MRPS28: variants seen among roughly 807,000 people sequenced by gnomAD.
MRPS28 encodes the protein small ribosomal subunit protein bS1m.
MRPS28 carries 7 observed loss-of-function variants against 10.8 expected under a neutral mutation model. That is an observed-to-expected ratio of 0.65 (90% confidence interval 0.37 to 1.22). The LOEUF is 1.22. Among genes scored for constraint, MRPS28 ranks in the 50% most tolerant of loss-of-function variants. The pLI is 0.02. For missense variants in MRPS28, 265 were observed against 232.9 expected, an observed-to-expected ratio of 1.14 and a Z score of -0.90; for synonymous variants, 121 against 93.3, an observed-to-expected ratio of 1.30 and a Z score of -1.71.
At chr8:79,984,357 C>T (rs1339381484) in intron 2 of MRPS28, among the ~76,000 whole-genome samples, 3 of 152,220 alleles carry the variant, frequency 2.0e-5, no homozygotes, top group African/African-American at 7.2e-5. Flanking sequence ...TAGGAAGAAA[C>T]TGCATCAACT....
chr8:80,011,123 T>A (rs1809031144), intron 1 of MRPS28, among the ~76,000 whole-genome samples: 1 of 147,678 alleles, frequency 6.8e-6, no homozygotes, highest in African/African-American at 2.6e-5. Flanking sequence ...ATTCTTTTTT[T>A]TTTATTTTTT....
At chr8:80,018,576 A>G (rs1809269030) in intron 1 of MRPS28, among the ~76,000 whole-genome samples, 1 of 152,202 alleles carries the variant, frequency 6.6e-6, no homozygotes, top group African/African-American at 2.4e-5. Flanking sequence ...AACAGTTTGA[A>G]GTTCCACAAA....
intron 2 of MRPS28, chr8:79,958,346 C>T (rs749099597): frequency 4.5e-5 from 31 of 695,438 alleles, no homozygotes; most frequent in South Asian, 2.4e-4. Context: ...TTATCTTTTA[C>T]GATGTTTTCC....
At chr8:79,987,387 C>T (rs1808218640) in intron 2 of MRPS28, among the ~76,000 whole-genome samples, 1 of 152,184 alleles carries the variant, frequency 6.6e-6, no homozygotes, top group Non-Finnish European at 1.5e-5. Flanking sequence ...ATGTCTAAAA[C>T]ACCAAAAGCA....
chr8:79,936,827 AT>A (rs900759888), intron 2 of MRPS28, among the ~76,000 whole-genome samples: 4 of 152,062 alleles, frequency 2.6e-5, no homozygotes, highest in African/African-American at 9.7e-5. Flanking sequence ...ATATTTCTCT[AT>A]TTTTTAATAA....
intron 2 of MRPS28, among the ~76,000 whole-genome samples, chr8:79,995,729 G>A (rs1241021209): frequency 1.3e-5 from 2 of 152,182 alleles, no homozygotes; most frequent in Non-Finnish European, 2.9e-5. Flanking sequence ...TTTAGGAGCT[G>A]TCAGAATACA....
intron 2 of MRPS28, among the ~76,000 whole-genome samples, chr8:79,983,162 AG>A (rs1808025283): frequency 1.3e-5 from 2 of 152,028 alleles, no homozygotes; most frequent in Admixed American, 6.6e-5. Context: ...CCAGGCAAAC[AG>A]GGTCTGGAGT....
chr8:79,929,077 C>CA (rs1806387074), intron 2 of MRPS28, among the ~76,000 whole-genome samples: 1 of 151,774 alleles, frequency 6.6e-6, no homozygotes, highest in Non-Finnish European at 1.5e-5. Context: ...CAAAACAAAA[C>CA]AAAAAAACAC....
intron 2 of MRPS28, among the ~76,000 whole-genome samples, chr8:79,955,550 C>A (rs1292715138): frequency 6.6e-6 from 1 of 152,134 alleles, no homozygotes; most frequent in African/African-American, 2.4e-5. Context: ...TTCCTCAATA[C>A]CCTTTAGGCC....
intron 2 of MRPS28, among the ~76,000 whole-genome samples, chr8:79,950,728 C>A (rs988646875): frequency 3.9e-5 from 6 of 152,204 alleles, no homozygotes; most frequent in African/African-American, 1.4e-4. Context: ...TTACATCACA[C>A]CAGCTGACCT....
intron 2 of MRPS28, among the ~76,000 whole-genome samples, chr8:79,936,081 T>C (rs753181006): frequency 2.6e-5 from 4 of 151,888 alleles, no homozygotes; most frequent in Non-Finnish European, 4.4e-5. Context: ...GTGTGGTGGC[T>C]CATGCCTATA....
intron 2 of MRPS28, among the ~76,000 whole-genome samples, chr8:79,997,797 G>C (rs1808541677): frequency 6.6e-6 from 1 of 152,136 alleles, no homozygotes; most frequent in Non-Finnish European, 1.5e-5. Context: ...GGCTTAGCCT[G>C]TAATCCCAGC....
chr8:80,004,200 C>T (rs1056481950), intron 1 of MRPS28, among the ~76,000 whole-genome samples: 8 of 152,182 alleles, frequency 5.3e-5, no homozygotes, highest in Non-Finnish European at 7.3e-5. Flanking sequence ...CAAGTGGGTC[C>T]CTGACCCCTG....
At chr8:79,994,404 A>C (rs1808445405) in intron 2 of MRPS28, among the ~76,000 whole-genome samples, 1 of 152,104 alleles carries the variant, frequency 6.6e-6, no homozygotes, top group South Asian at 2.1e-4. Context: ...AAAGCAGGCA[A>C]TAATATCAAT....
chr8:79,963,873 C>A (rs917100943), intron 2 of MRPS28, among the ~76,000 whole-genome samples: 1 of 151,994 alleles, frequency 6.6e-6, no homozygotes, highest in Non-Finnish European at 1.5e-5. Context: ...CATGACAGGT[C>A]AAGTGAGAAC....
At chr8:79,964,555 T>C (rs1334290497) in intron 2 of MRPS28, among the ~76,000 whole-genome samples, 1 of 152,108 alleles carries the variant, frequency 6.6e-6, no homozygotes, top group Non-Finnish European at 1.5e-5. Context: ...TTAGACTATG[T>C]TCAAATTCTG....
chr8:80,007,899 C>T lies in MRPS28; in HGVS notation c.214-4719G>A, dbSNP rs201009969. On this transcript the variant is annotated intron_variant, in intron 1 of 2. Transcript: ENST00000276585. ...TCCCCATCAAGCTACCAATGACTTT[C>T]TTCACAGAATTGGAAAAAACTACTT... Among the ~76,000 whole-genome samples, 956 of 152,194 alleles carry T rather than the reference C, an allele frequency of 6.3e-3. 15 individuals carry two copies. The highest frequency in any genetic ancestry group is 0.056 in the East Asian group (292 of 5,184).
At chr8:79,923,883 AT>A (rs1305265762) in intron 2 of MRPS28, among the ~76,000 whole-genome samples, 8 of 152,174 alleles carry the variant, frequency 5.3e-5, no homozygotes, top group African/African-American at 1.7e-4. Flanking sequence ...CTGGTTTTGC[AT>A]TTCTGTATTA....
chr8:79,993,337 A>G lies in MRPS28; in HGVS notation c.395+9662T>C, dbSNP rs527290754. ...TATGAGGCAAACTTCCTAGAGATGT[A>G]AATTTAGACAATCTCTGGAATGATA... On this transcript the variant is annotated intron_variant, in intron 2 of 2. Transcript: ENST00000276585. 2.6e-5 allele frequency among the ~76,000 whole-genome samples: 4 copies of G among 152,338 alleles called. No homozygotes were observed. In the East Asian group the frequency reaches 7.7e-4, roughly 29 times the overall value.
Sources: allele counts gnomAD v4.1 joint callset (sites outside exome capture counted in the v4.1 genomes callset), GRCh38; gene constraint gnomAD v4.1.1; transcripts MANE v1.5; gene names NCBI Gene and HGNC (gene_info 2026-07-23, HGNC 2026-07-21).